ORC3: variants seen among roughly 807,000 people sequenced by gnomAD.
ORC3 encodes origin recognition complex subunit 3.
ORC3 carries 78 observed loss-of-function variants against 100.7 expected under a neutral mutation model. That is an observed-to-expected ratio of 0.77 (90% CI 0.65 to 0.94). The LOEUF is 0.94. Among genes scored for constraint, ORC3 ranks in the 40% least tolerant of loss-of-function variants. The pLI is 0.00. For missense variants in ORC3, 789 were observed against 823.9 expected (o/e 0.96, Z 0.52); for synonymous variants, 295 against 289.3 (o/e 1.02, Z -0.20).
intron 13 of ORC3, among the ~76,000 whole-genome samples, chr6:87,652,166 G>A (rs1396229415): frequency 6.6e-6 from 1 of 152,042 alleles, no homozygotes; most frequent in African/African-American, 2.4e-5. Context: ...CCAAAGTGCT[G>A]GGATTACAGG....
Position 87,667,329 on chromosome 6 carries a change from A to G in ORC3, c.*206A>G. 1 of 429,704 alleles carries G rather than the reference A, an allele frequency of 2.3e-6. No individual in the cohort carries two copies. The highest frequency in any genetic ancestry group is 3.6e-5 in the East Asian group (1 of 27,970). 26.6% of individuals were successfully genotyped at this position (429,704 alleles called of 1,614,324 possible). A position where few individuals can be genotyped will look rare whatever the true frequency, so the allele number is the denominator to read the frequency against. On this transcript the variant is annotated 3_prime_UTR_variant, in exon 20 of 20. Transcript: ENST00000392844. ...AGTACTTTAGACTCCAACAAATAAT[A>G]ATGTAACTAAAACTGCTCACACATT... is the stretch of plus-strand genomic sequence containing the variant.
chr6:87,610,460 T>C (rs1344840722), intron 7 of ORC3, among the ~76,000 whole-genome samples: 2 of 151,996 alleles, frequency 1.3e-5, no homozygotes, highest in East Asian at 3.9e-4. Flanking sequence ...CTGCCTTCCT[T>C]AGTGCTCTTT....
intron 2 of ORC3, 68 bp from the exon 3 acceptor site, chr6:87,601,716 G>C: frequency 1.1e-6 from 1 of 897,826 alleles, no homozygotes; most frequent in Admixed American, 2.3e-5. Flanking sequence ...GTGTAACTTT[G>C]CACGTAAGAT....
intron 11 of ORC3, among the ~76,000 whole-genome samples, chr6:87,623,997 A>C (rs1348713116): frequency 6.6e-6 from 1 of 152,070 alleles, no homozygotes; most frequent in African/African-American, 2.4e-5. Context: ...TTCTTGTTGC[A>C]CTGTCAGTTT....
rs1334936472 is a variant in ORC3, at chr6:87,594,405, T to C, written c.77T>C (p.Ile26Thr). ...NSKKRKISLP[I>T]EDYFNKGKNE... ...AAAAAGAGAAAGATCTCTCTGCCAA[T>C]AGGTAAGGTGTCTGAATATTAAATT... The change falls in exon 2 of 20, where the codon ATA becomes ACA. Residue 26 changes from isoleucine to threonine, a missense_variant and splice_region_variant. This residue lies in a region of ORC3 where 399 missense variants were observed against 382.0 expected (regional missense o/e 1.04). Coordinates refer to ENST00000392844, the MANE Select transcript of ORC3 (RefSeq NM_012381.4). 1 of 1,581,364 alleles carries C rather than the reference T, an allele frequency of 6.3e-7. No homozygotes were observed. The highest frequency in any genetic ancestry group is 1.7e-5 in the Admixed American group (1 of 59,468).
At chr6:87,611,261 A>G (rs1033146927) in intron 7 of ORC3, among the ~76,000 whole-genome samples, 1 of 151,868 alleles carries the variant, frequency 6.6e-6, no homozygotes, top group South Asian at 2.1e-4. Flanking sequence ...TGCATGAACC[A>G]TTGCACCCAG....
At chr6:87,652,441 C>T (rs1368338474) in intron 13 of ORC3, among the ~76,000 whole-genome samples, 1 of 152,196 alleles carries the variant, frequency 6.6e-6, no homozygotes, top group Non-Finnish European at 1.5e-5. Context: ...TGTGAATGAG[C>T]TACTCAACCA....
At chr6:87,618,308 G>A (rs1293848674) in intron 9 of ORC3, among the ~76,000 whole-genome samples, 1 of 152,092 alleles carries the variant, frequency 6.6e-6, no homozygotes, top group Non-Finnish European at 1.5e-5. Flanking sequence ...TACTTGGGGG[G>A]CTGAGGCAGG....
chr6:87,601,706 G>T, intron 2 of ORC3, 78 bp from the exon 3 acceptor site: 1 of 832,854 alleles, frequency 1.2e-6, no homozygotes. Flanking sequence ...GTCACTTACT[G>T]TGTAACTTTG....
At chr6:87,654,376 G>A (rs1304191325) in intron 14 of ORC3, among the ~76,000 whole-genome samples, 1 of 152,202 alleles carries the variant, frequency 6.6e-6, no homozygotes. Flanking sequence ...TTTCTTTCAG[G>A]TTATGTGTGG....
Position 87,667,079 on chromosome 6 carries a change from C to G in ORC3, c.2092C>G (p.Gln698Glu), listed in dbSNP as rs146518052. Residue 698 changes from glutamine to glutamate, a missense_variant, in exon 20 of 20, where the codon CAG becomes GAG. Physicochemically the swap from Gln to Glu is conservative, Grantham distance 29 (BLOSUM62 2). Transcript: ENST00000392844. ...ELLGFIKPTK[Q>E]KTDHVARLTW... ...TTTAGGATTTATAAAACCTACCAAA[C>G]AGAAGACTGACCATGTGGCAAGACT... 4.3e-4 allele frequency: 698 copies of G among 1,612,052 alleles called. 3 individuals carry two copies. The African/African-American group carries it at 8.4e-3, about 19-fold the overall frequency.
intron 11 of ORC3, among the ~76,000 whole-genome samples, chr6:87,634,218 GATTT>G (rs1012566331): frequency 2.6e-5 from 4 of 151,906 alleles, no homozygotes; most frequent in South Asian, 2.1e-4. Context: ...GTTGGCTTCA[GATTT>G]ATTTATTTAT....
At chr6:87,628,600 C>T (rs1051493362) in intron 11 of ORC3, among the ~76,000 whole-genome samples, 2 of 152,162 alleles carry the variant, frequency 1.3e-5, no homozygotes, top group African/African-American at 4.8e-5. Flanking sequence ...CCTTGAACTC[C>T]TTTAGCACCC....
intron 14 of ORC3, among the ~76,000 whole-genome samples, chr6:87,655,666 A>AT (rs558077926): frequency 1.4e-3 from 192 of 140,184 alleles, no homozygotes; most frequent in Non-Finnish European, 2.2e-3. Flanking sequence ...TATTATTATT[A>AT]TTTTTTTTTT....
At chr6:87,662,914 C>A in intron 16 of ORC3, 89 bp from the exon 17 acceptor site, 3 of 803,866 alleles carry the variant, frequency 3.7e-6, no homozygotes, top group Non-Finnish European at 3.4e-6. Flanking sequence ...TGAAGTCCAA[C>A]AGAGCTTAAA....
the ORC3 span, among the ~76,000 whole-genome samples, chr6:87,674,549 GATATCTGAGGTAATTCT>G: frequency 6.7e-6 from 1 of 150,262 alleles, no homozygotes; most frequent in South Asian, 2.1e-4. Context: ...GGATCCTACT[GATATCTGAGGTAATTCT>G]ATAGCAATTA....
At chr6:87,602,899 TATATATTATATATTA>T (rs1778014692) in intron 3 of ORC3, among the ~76,000 whole-genome samples, 4 of 90,614 alleles carry the variant, frequency 4.4e-5, no homozygotes, top group Non-Finnish European at 6.1e-5. Context: ...ATATATCATA[TATATATTATATATTA>T]TATATATATA....
intron 12 of ORC3, among the ~76,000 whole-genome samples, chr6:87,635,812 C>T (rs1307145788): frequency 5.9e-5 from 9 of 152,038 alleles, no homozygotes; most frequent in Non-Finnish European, 4.4e-5. Context: ...ATGACTTGTT[C>T]ATGAGGTGAT....
rs1251993359 is a variant in ORC3 at position 87,609,230 on chromosome 6, G to A, written c.713+1G>A. 6.3e-7 allele frequency: 1 copy of A among 1,580,606 alleles called. No homozygotes were observed. Among genetic ancestry groups the A allele is most frequent in the Non-Finnish European group, 8.6e-7 (1 of 1,169,026 alleles). ...TACAAGACTTCATAATTATCAGCAG[G>A]TAGATGGTGTATTACCTGGCTTTTA... On this transcript the variant is annotated splice_donor_variant, in intron 7 of 19. Transcript: ENST00000392844. LOFTEE classifies it high-confidence loss of function.
Sources: gnomAD v4.1 joint callset for allele counts (sites outside exome capture counted in the v4.1 genomes callset) on GRCh38, gnomAD v4.1.1 for gene constraint, gnomAD v4.1.1 regional missense constraint, MANE v1.5 for transcripts, NCBI Gene and HGNC (gene_info 2026-07-23, HGNC 2026-07-21) for gene names.